The following NAV3 variants were observed in gnomAD, a reference collection of about 807,000 sequenced individuals.
NAV3 encodes the protein pore membrane and/or filament interacting like protein 1.
A neutral mutation model predicts 244.7 loss-of-function variants in NAV3; 87 were observed. The observed-to-expected ratio is 0.36, with a 90% CI of 0.30 to 0.42. NAV3 has a LOEUF of 0.42. Ranked by LOEUF, NAV3 falls within the 20% of genes least tolerant of loss-of-function variation. The pLI is 1.00. For missense variants in NAV3, 2,663 were observed against 2,893.3 expected (o/e 0.92, Z 1.83); for synonymous variants, 1,126 against 1,042.2 (o/e 1.08, Z -1.55).
At chr12:78,122,640 T>C (rs1955725416) in intron 16 of NAV3, among the ~76,000 whole-genome samples, 1 of 152,182 alleles carries the variant, frequency 6.6e-6, no homozygotes, top group Non-Finnish European at 1.5e-5. Flanking sequence ...ATTTTGTTAA[T>C]ATGAATGCAT....
chr12:77,659,125 A>G (rs1160904782), intron 2 of NAV3, among the ~76,000 whole-genome samples: 2 of 151,796 alleles, frequency 1.3e-5, no homozygotes, highest in African/African-American at 4.9e-5. Flanking sequence ...TAATTAAACT[A>G]AAGAGCTTCT....
chr12:77,653,136 C>G (rs896476629), intron 2 of NAV3, among the ~76,000 whole-genome samples: 1 of 152,132 alleles, frequency 6.6e-6, no homozygotes, highest in Non-Finnish European at 1.5e-5. Context: ...TGCAACATAG[C>G]AAAAGCTGAT....
intron 2 of NAV3, among the ~76,000 whole-genome samples, chr12:77,692,626 C>G (rs1304620286): frequency 6.6e-6 from 1 of 152,048 alleles, no homozygotes; most frequent in Non-Finnish European, 1.5e-5. Flanking sequence ...GAGCTGCTAC[C>G]AATGCCTAGA....
intron 1 of NAV3, among the ~76,000 whole-genome samples, chr12:77,917,822 TA>T (rs986161876): frequency 1.3e-5 from 2 of 152,056 alleles, no homozygotes; most frequent in African/African-American, 4.8e-5. Flanking sequence ...AGCCCCAAAT[TA>T]AATACTTTCT....
rs1311463429 is a variant in NAV3, at chr12:78,007,058, C to T, written c.1520C>T (p.Pro507Leu). ...ACCTCCAAAATTGCAAGCTTGATCC[C>T]TAAGGGCAGCAAGACAACAGCAGCT... ...KKTSKIASLI[P>L]KGSKTTAAKK... The change falls in exon 8 of 40, where the codon CCT becomes CTT. Residue 507 changes from proline to leucine, a missense_variant. Coordinates refer to ENST00000397909, the MANE Select transcript of NAV3 (RefSeq NM_001024383.2). 1.2e-6 allele frequency: 2 copies of T among 1,614,154 alleles called. No individual in the cohort carries two copies. Among genetic ancestry groups the T allele is most frequent in the South Asian group, 2.2e-5 (2 of 91,086 alleles).
chr12:77,845,518 A>G (rs1658848595), intron 1 of NAV3, among the ~76,000 whole-genome samples: 1 of 152,034 alleles, frequency 6.6e-6, no homozygotes, highest in South Asian at 2.1e-4. Context: ...TTTTCCTCCT[A>G]TGTTTAAGTC....
intron 38 of NAV3, among the ~76,000 whole-genome samples, chr12:78,204,659 CTA>C (rs1283760505): frequency 6.6e-6 from 1 of 151,958 alleles, no homozygotes; most frequent in Admixed American, 6.6e-5. Context: ...GCAGTCATTT[CTA>C]TGTTTATTTA....
intron 3 of NAV3, among the ~76,000 whole-genome samples, chr12:77,942,071 T>C (rs1889921639): frequency 6.6e-6 from 1 of 152,226 alleles, no homozygotes; most frequent in Admixed American, 6.5e-5. Context: ...TTAACTATCA[T>C]GTATATTTTT....
upstream of NAV3, among the ~76,000 whole-genome samples, chr12:77,827,492 G>A (rs1010776502): frequency 2.5e-4 from 38 of 152,046 alleles, no homozygotes; most frequent in African/African-American, 9.2e-4. Context: ...TAAAACTCCA[G>A]CTTAGCTTTA....
chr12:77,910,450 A>G (rs968495994), intron 1 of NAV3, among the ~76,000 whole-genome samples: 1 of 152,164 alleles, frequency 6.6e-6, no homozygotes, highest in Non-Finnish European at 1.5e-5. Context: ...AACACTTCCC[A>G]TTAGGCCCTA....
chr12:77,834,305 G>A (rs1874240899), intron 1 of NAV3, among the ~76,000 whole-genome samples: 1 of 152,130 alleles, frequency 6.6e-6, no homozygotes, highest in Admixed American at 6.5e-5. Flanking sequence ...GATTTGTGGA[G>A]TTCTATGTCT....
chr12:77,645,408 G>C (rs1173651266), intron 2 of NAV3, among the ~76,000 whole-genome samples: 1 of 145,742 alleles, frequency 6.9e-6, no homozygotes, highest in African/African-American at 2.8e-5. Context: ...CTACTTCAAA[G>C]ACAGTGTAAG....
chr12:77,711,517 A>G (rs906176682), intron 2 of NAV3, among the ~76,000 whole-genome samples: 1 of 152,224 alleles, frequency 6.6e-6, no homozygotes, highest in African/African-American at 2.4e-5. Flanking sequence ...TGGTCTCAAA[A>G]TTATCACTTA....
At chr12:77,992,936 T>C (rs1037703110) in intron 5 of NAV3, among the ~76,000 whole-genome samples, 8 of 152,180 alleles carry the variant, frequency 5.3e-5, no homozygotes, top group African/African-American at 1.9e-4. Context: ...GAAAACAAGA[T>C]AGCAGCTTCA....
rs541114681 is a variant in NAV3, at chr12:77,903,514, A to C, written c.244-36805A>C. Reference sequence around the variant, plus strand: ...TAATTCAAGATGGATTAAAGACTTAAATGTTAGACCTAAAACCATAAAAAC... The same window carrying C: ...TAATTCAAGATGGATTAAAGACTTACATGTTAGACCTAAAACCATAAAAAC... On this transcript the variant is annotated intron_variant, in intron 1 of 39. Transcript: ENST00000397909. Among the ~76,000 whole-genome samples, 15 of 152,286 alleles carry C rather than the reference A, an allele frequency of 9.8e-5. No homozygotes were observed. The South Asian group carries it at 2.9e-3, about 30-fold the overall frequency.
At chr12:78,174,611 C>T (rs1958143216) in intron 24 of NAV3, among the ~76,000 whole-genome samples, 1 of 151,892 alleles carries the variant, frequency 6.6e-6, no homozygotes, top group Non-Finnish European at 1.5e-5. Flanking sequence ...ATTACTATTA[C>T]TATTCTATAA....
chr12:77,852,897 A>G (rs886553111), intron 1 of NAV3, among the ~76,000 whole-genome samples: 11 of 152,126 alleles, frequency 7.2e-5, no homozygotes, highest in African/African-American at 2.7e-4. Context: ...GCATTTGGAT[A>G]GTTTATAGCT....
rs781061916 is a variant in NAV3, at chr12:78,007,018, A to G, written c.1480A>G (p.Met494Val). ...AGAAGAGAAGGATCAGGTGACAGAGATGGCTCCAAAAAAGACCTCCAAAAT... is the reference window on the plus strand; with the variant it reads ...AGAAGAGAAGGATCAGGTGACAGAGGTGGCTCCAAAAAAGACCTCCAAAAT... The part of the protein sequence containing the change: ...VKEEKDQVTE[M>V]APKKTSKIAS... Residue 494 changes from methionine to valine, a missense_variant, in exon 8 of 40, where the codon ATG (methionine) becomes GTG (valine). Met to Val is a conservative substitution (Grantham distance 21). This residue lies in a region of NAV3 where 1,521 missense variants were observed against 1,497.0 expected (regional missense o/e 1.02). Transcript: ENST00000397909. 3 of 1,614,132 alleles carry G rather than the reference A, an allele frequency of 1.9e-6. No homozygotes were observed. The highest frequency in any genetic ancestry group is 2.5e-6 in the Non-Finnish European group (3 of 1,180,026).
intron 2 of NAV3, among the ~76,000 whole-genome samples, chr12:77,751,418 G>A (rs960155111): frequency 4.6e-5 from 7 of 152,144 alleles, no homozygotes; most frequent in Non-Finnish European, 7.3e-5. Flanking sequence ...ACTACATTTG[G>A]GAGAGATCTG....
Sources: allele counts gnomAD v4.1 joint callset (sites outside exome capture counted in the v4.1 genomes callset), GRCh38; gene constraint gnomAD v4.1.1; regional missense constraint gnomAD v4.1.1; transcripts MANE v1.5; gene names NCBI Gene and HGNC (gene_info 2026-07-23, HGNC 2026-07-21).